Variants in PRKCB observed in about 807,000 individuals in gnomAD.
PRKCB encodes the protein protein kinase C beta type.
PRKCB carries 13 observed loss-of-function variants against 81.5 expected under a neutral mutation model. That is an observed-to-expected ratio of 0.16 (90% CI 0.10 to 0.25). The LOEUF is 0.25. PRKCB is among the 10% of genes least tolerant of loss of function. The pLI is 1.00. For synonymous variants in PRKCB, 335 were observed against 321.4 expected, an observed-to-expected ratio of 1.04 and a Z score of -0.45; for missense variants, 509 against 875.7, an observed-to-expected ratio of 0.58 and a Z score of 5.29.
chr16:24,116,623 C>G (rs1196491335), intron 8 of PRKCB, among the ~76,000 whole-genome samples: 2 of 152,128 alleles, frequency 1.3e-5, no homozygotes, highest in Non-Finnish European at 2.9e-5. Flanking sequence ...GTCTTGGACT[C>G]AAGCCCAAGT....
At chr16:23,898,068 T>G (rs1963408991) in intron 2 of PRKCB, among the ~76,000 whole-genome samples, 1 of 54,780 alleles carries the variant, frequency 1.8e-5, no homozygotes. Context: ...GCCCGGCTAA[T>G]TTTTTTTTTT....
intron 2 of PRKCB, among the ~76,000 whole-genome samples, chr16:23,884,410 C>A (rs1963167702): frequency 1.3e-5 from 2 of 152,216 alleles, no homozygotes; most frequent in African/African-American, 4.8e-5. Context: ...CTTCCCTTAG[C>A]TCTCGTTTTC....
At chr16:24,182,966 C>G (rs1046291153) in intron 13 of PRKCB, among the ~76,000 whole-genome samples, 2 of 151,102 alleles carry the variant, frequency 1.3e-5, no homozygotes, top group African/African-American at 4.9e-5. Flanking sequence ...ATGCCATTCT[C>G]CTGCCTCAGC....
At chr16:24,154,396 A>T (rs1402242612) in intron 9 of PRKCB, among the ~76,000 whole-genome samples, 1 of 152,148 alleles carries the variant, frequency 6.6e-6, no homozygotes, top group African/African-American at 2.4e-5. Context: ...AGGCAGGAGG[A>T]TCACTGAGCC....
At chr16:24,090,169 A>C (rs1035261639) in intron 5 of PRKCB, among the ~76,000 whole-genome samples, 2 of 152,190 alleles carry the variant, frequency 1.3e-5, no homozygotes, top group African/African-American at 2.4e-5. Context: ...TTAACTGATC[A>C]AGGTCAACAT....
At chr16:24,052,062 G>A (rs1197928862) in intron 5 of PRKCB, among the ~76,000 whole-genome samples, 5 of 148,268 alleles carry the variant, frequency 3.4e-5, no homozygotes, top group African/African-American at 1.3e-4. Flanking sequence ...GTGAGCAAGC[G>A]AGACTCCGTC....
intron 7 of PRKCB, among the ~76,000 whole-genome samples, chr16:24,096,652 C>CAAAAAAAAAAAAAA (rs1219127854): frequency 9.3e-4 from 39 of 41,780 alleles, no homozygotes; most frequent in African/African-American, 2.7e-3. Context: ...CTTCCTATGG[C>CAAAAAAAAAAAAAA]AAAAAAAAAA....
At chr16:24,136,369 A>G (rs1966864799) in intron 9 of PRKCB, among the ~76,000 whole-genome samples, 1 of 152,172 alleles carries the variant, frequency 6.6e-6, no homozygotes, top group South Asian at 2.1e-4. Context: ...GAGTGAGTAA[A>G]GCGGGTATTT....
At chr16:23,956,283 A>T (rs1290882939) in intron 2 of PRKCB, among the ~76,000 whole-genome samples, 1 of 151,908 alleles carries the variant, frequency 6.6e-6, no homozygotes, top group African/African-American at 2.4e-5. Context: ...ACGTCCAGCT[A>T]ATTTTTGTAA....
intron 5 of PRKCB, among the ~76,000 whole-genome samples, chr16:24,041,829 CA>C (rs1462791621): frequency 6.6e-6 from 1 of 151,640 alleles, no homozygotes; most frequent in African/African-American, 2.4e-5. Context: ...ACTAAAAATA[CA>C]AAAATTAGCC....
intron 2 of PRKCB, among the ~76,000 whole-genome samples, chr16:23,957,700 A>T (rs1177881793): frequency 2.0e-5 from 3 of 151,644 alleles, no homozygotes; most frequent in African/African-American, 7.3e-5. Context: ...AACCCCAAAG[A>T]CACCCCTTTG....
At chr16:23,925,619 AT>A (rs1232548685) in intron 2 of PRKCB, among the ~76,000 whole-genome samples, 1 of 152,038 alleles carries the variant, frequency 6.6e-6, no homozygotes, top group Non-Finnish European at 1.5e-5. Context: ...GACTTCTTAA[AT>A]TTTTTAAAAA....
At chr16:24,028,698 C>T (rs1965513654) in intron 3 of PRKCB, among the ~76,000 whole-genome samples, 1 of 152,242 alleles carries the variant, frequency 6.6e-6, no homozygotes, top group Non-Finnish European at 1.5e-5. Flanking sequence ...TGTGTGGATG[C>T]CTCACACTGT....
intron 9 of PRKCB, among the ~76,000 whole-genome samples, chr16:24,143,109 CTTATTTTATTATT>C (rs1006971853): frequency 1.3e-4 from 20 of 152,104 alleles, no homozygotes; most frequent in Middle Eastern, 3.4e-3. Flanking sequence ...GTCTCTTTCT[CTTATTTTATTATT>C]TTATTTTATT....
chr16:24,195,819 C>T (rs1463601143), intron 16 of PRKCB, among the ~76,000 whole-genome samples: 3 of 152,036 alleles, frequency 2.0e-5, no homozygotes, highest in Non-Finnish European at 4.4e-5. Context: ...AGATCTCTGT[C>T]CTCTTCCTAG....
chr16:23,990,654 C>G (rs931470247), intron 3 of PRKCB, among the ~76,000 whole-genome samples: 84 of 151,746 alleles, frequency 5.5e-4, no homozygotes, highest in Non-Finnish European at 1.0e-3. Context: ...CTCTAGCAAC[C>G]CCCCCACCTC....
chr16:24,210,502 CTT>C (rs34059803), intron 16 of PRKCB, among the ~76,000 whole-genome samples: 21 of 143,960 alleles, frequency 1.5e-4, no homozygotes, highest in Admixed American at 2.1e-4. Context: ...CTTTCTTCTT[CTT>C]TTTTTTTTTT....
intron 9 of PRKCB, among the ~76,000 whole-genome samples, chr16:24,147,037 G>A (rs1424381889): frequency 1.3e-5 from 2 of 152,076 alleles, no homozygotes; most frequent in African/African-American, 2.4e-5. Flanking sequence ...GGCCGGGCGC[G>A]GTGGCTCATG....
chr16:24,200,184 G>C (rs1013654349), intron 16 of PRKCB, among the ~76,000 whole-genome samples: 1 of 151,914 alleles, frequency 6.6e-6, no homozygotes, highest in Non-Finnish European at 1.5e-5. Context: ...GCATTGAAAT[G>C]AGGCAGCCGA....
Sources: gnomAD v4.1 joint callset for allele counts (sites outside exome capture counted in the v4.1 genomes callset) on GRCh38, gnomAD v4.1.1 for gene constraint, MANE v1.5 for transcripts, NCBI Gene and HGNC (gene_info 2026-07-23, HGNC 2026-07-21) for gene names.